Variants in SLC7A2 observed in about 807,000 individuals in gnomAD.
The protein encoded by SLC7A2 is solute carrier family 7 member 2.
SLC7A2 carries 48 observed loss-of-function variants against 58.9 expected under a neutral mutation model. The ratio of observed to expected loss-of-function variants is 0.82; its 90% CI spans 0.65 to 1.04. SLC7A2 has a LOEUF of 1.04. Among genes scored for constraint, SLC7A2 ranks in the 50% least tolerant of loss-of-function variants. The pLI is 0.00. For missense variants in SLC7A2, 1,029 were observed against 818.8 expected (o/e 1.26, Z -3.13); for synonymous variants, 363 against 314.5 (o/e 1.15, Z -1.63).
intron 11 of SLC7A2, among the ~76,000 whole-genome samples, chr8:17,562,579 T>A (rs1167898261): frequency 3.9e-5 from 6 of 152,120 alleles, no homozygotes; most frequent in Non-Finnish European, 7.4e-5. Context: ...CCTCAGGTGA[T>A]CCACCTGCCT....
chr8:17,561,545 A>G (rs2517257), intron 10 of SLC7A2, among the ~76,000 whole-genome samples: 24,690 of 152,084 alleles, frequency 0.16, 3,429 homozygotes, highest in African/African-American at 0.37. Flanking sequence ...CAGCCAACTC[A>G]TATCACAGTC....
At chr8:17,519,342 T>A (rs7843817) in intron 2 of SLC7A2, among the ~76,000 whole-genome samples, 1 of 152,034 alleles carries the variant, frequency 6.6e-6, no homozygotes, top group Non-Finnish European at 1.5e-5. Flanking sequence ...AAGTAAGTTA[T>A]AGTGATGGTA....
At chr8:17,553,859 G>T (rs961070472) in intron 7 of SLC7A2, among the ~76,000 whole-genome samples, 4 of 152,168 alleles carry the variant, frequency 2.6e-5, no homozygotes, top group Admixed American at 2.6e-4. Flanking sequence ...TCACAACTAA[G>T]TAATGTGTGA....
chr8:17,559,553 C>T (rs773897324), intron 9 of SLC7A2, among the ~76,000 whole-genome samples: 15 of 151,722 alleles, frequency 9.9e-5, no homozygotes, highest in Admixed American at 3.3e-4. Context: ...GCAACAAGAG[C>T]GAAACTCTGT....
chr8:17,551,949 G>A lies in SLC7A2; in HGVS notation c.1018G>A (p.Val340Ile), dbSNP rs897400025. Residue 340 changes from valine (V) to isoleucine (I), a missense_variant, in exon 7 of 13, where the codon GTC (valine) becomes ATC (isoleucine). By Grantham distance (29) the Val-to-Ile change is conservative. Transcript: ENST00000494857. Reference protein sequence around the residue: ...EYVGWGPAKYVVAAGSLCALS... With the variant: ...EYVGWGPAKYIVAAGSLCALS... ...TGTGGGATGGGGTCCTGCCAAATATGTCGTCGCAGCTGGTTCTCTCTGCGC... is the reference window on the plus strand; with the variant it reads ...TGTGGGATGGGGTCCTGCCAAATATATCGTCGCAGCTGGTTCTCTCTGCGC... The A allele has an allele frequency of 6.8e-6, 11 of 1,613,970 alleles. No homozygotes were observed. The African/African-American group carries it at 1.3e-4, about 20-fold the overall frequency.
intron 12 of SLC7A2, 130 bp from the exon 13 acceptor site, chr8:17,564,820 C>T (rs547047342): frequency 2.4e-5 from 18 of 747,854 alleles, no homozygotes; most frequent in Middle Eastern, 7.8e-4. Flanking sequence ...GGTTGGTGAC[C>T]CCCGTTCTAA....
At chr8:17,525,119 G>A (rs569331015) in intron 2 of SLC7A2, among the ~76,000 whole-genome samples, 22 of 152,184 alleles carry the variant, frequency 1.4e-4, no homozygotes, top group African/African-American at 5.1e-4. Context: ...AGATTAGTTT[G>A]CCTTGACTTC....
At chr8:17,517,941 C>T (rs1800866014) in intron 2 of SLC7A2, among the ~76,000 whole-genome samples, 1 of 152,008 alleles carries the variant, frequency 6.6e-6, no homozygotes, top group Non-Finnish European at 1.5e-5. Context: ...AAATCCAGCT[C>T]TGTGACTTTG....
chr8:17,514,723 A>G (rs1478804288), intron 2 of SLC7A2, among the ~76,000 whole-genome samples: 2 of 152,174 alleles, frequency 1.3e-5, no homozygotes, highest in East Asian at 3.9e-4. Flanking sequence ...AGAAATGTTC[A>G]ATAAAGGCCT....
At position 17,565,038 on chromosome 8, in the gene SLC7A2, C is replaced by T; in HGVS notation, c.1869C>T (p.Asp623=). 6.2e-7 allele frequency: 1 copy of T among 1,613,816 alleles called. No homozygotes were observed. Among genetic ancestry groups the T allele is most frequent in the Non-Finnish European group, 8.5e-7 (1 of 1,179,872 alleles). Residue 623 remains aspartate, a synonymous_variant, in exon 13 of 13, where the codon GAC becomes GAT. Coordinates refer to ENST00000494857, the MANE Select transcript of SLC7A2 (RefSeq NM_001370338.1). ...ACAATGAAGAAGATGCTTATCCAGACAACGTTCATGCAGCAGCAGAAGAAA... is the reference window on the plus strand; with the variant it reads ...ACAATGAAGAAGATGCTTATCCAGATAACGTTCATGCAGCAGCAGAAGAAA... ...DENNEEDAYP[D]NVHAAAEEKS...
chr8:17,495,517 T>C (rs908084984), upstream of SLC7A2, among the ~76,000 whole-genome samples: 2 of 152,196 alleles, frequency 1.3e-5, no homozygotes, highest in Non-Finnish European at 2.9e-5. Context: ...ATCTTCGTAA[T>C]CATAGTGCTG....
At chr8:17,532,229 C>CAAAAAAAAAAA (rs534441508) in intron 2 of SLC7A2, among the ~76,000 whole-genome samples, 4 of 46,202 alleles carry the variant, frequency 8.7e-5, no homozygotes, top group African/African-American at 2.0e-4. Context: ...GACTCTATCT[C>CAAAAAAAAAAA]AAAAAAAAAA....
chr8:17,539,690 G>A (rs1179073317), intron 2 of SLC7A2, among the ~76,000 whole-genome samples: 1 of 152,072 alleles, frequency 6.6e-6, no homozygotes, highest in African/African-American at 2.4e-5. Flanking sequence ...CATGCGTGTA[G>A]GTTTCGTATT....
intron 2 of SLC7A2, among the ~76,000 whole-genome samples, chr8:17,528,856 A>G (rs767156448): frequency 1.5e-4 from 23 of 152,166 alleles, no homozygotes; most frequent in Non-Finnish European, 2.1e-4. Flanking sequence ...GGAGAGCTCC[A>G]TGAAATAAAA....
intron 2 of SLC7A2, among the ~76,000 whole-genome samples, chr8:17,517,811 C>T (rs1240872930): frequency 6.6e-6 from 1 of 151,880 alleles, no homozygotes; most frequent in Non-Finnish European, 1.5e-5. Flanking sequence ...CTTTCATCAG[C>T]GGAGTGTTAG....
At chr8:17,524,511 C>A (rs113510996) in intron 2 of SLC7A2, among the ~76,000 whole-genome samples, 1,715 of 151,630 alleles carry the variant, frequency 0.011, 43 homozygotes, top group African/African-American at 0.04. Context: ...TTTGCAGCAA[C>A]CTGGATGGAA....
At chr8:17,500,957 A>G (rs1800134582) in intron 1 of SLC7A2, among the ~76,000 whole-genome samples, 1 of 151,494 alleles carries the variant, frequency 6.6e-6, no homozygotes, top group South Asian at 2.1e-4. Context: ...AAACTGTTAT[A>G]TATCAGTCTA....
intron 2 of SLC7A2, among the ~76,000 whole-genome samples, chr8:17,516,976 C>T (rs967955803): frequency 6.6e-6 from 1 of 152,174 alleles, no homozygotes; most frequent in Admixed American, 6.5e-5. Flanking sequence ...CCACAATCAA[C>T]ACTGAAGAGG....
intron 2 of SLC7A2, among the ~76,000 whole-genome samples, chr8:17,537,877 A>C (rs949589014): frequency 1.4e-4 from 21 of 152,130 alleles, no homozygotes; most frequent in African/African-American, 4.8e-4. Context: ...TGCTTTCTTC[A>C]TTTCAAGTTT....
Sources: gnomAD v4.1 joint callset for allele counts (sites outside exome capture counted in the v4.1 genomes callset) on GRCh38, gnomAD v4.1.1 for gene constraint, MANE v1.5 for transcripts, NCBI Gene and HGNC (gene_info 2026-07-23, HGNC 2026-07-21) for gene names.